Variants in WNT2B observed in about 807,000 individuals in gnomAD.
The protein encoded by WNT2B is protein Wnt-2b.
WNT2B carries 19 observed loss-of-function variants against 40.5 expected under a neutral mutation model. The observed-to-expected ratio is 0.47, with a 90% confidence interval of 0.33 to 0.69. The LOEUF (loss-of-function observed/expected upper bound fraction) is 0.69, where lower values mean the gene tolerates loss of function less well. WNT2B is among the 30% of genes least tolerant of loss of function. The pLI is 0.02. For synonymous variants in WNT2B, 220 were observed against 211.9 expected, an observed-to-expected ratio of 1.04 and a Z score of -0.33; for missense variants, 467 against 556.4, an observed-to-expected ratio of 0.84 and a Z score of 1.62.
At chr1:112,479,733 A>G (rs1417171843) in intron 1 of WNT2B, among the ~76,000 whole-genome samples, 1 of 151,728 alleles carries the variant, frequency 6.6e-6, no homozygotes, top group Non-Finnish European at 1.5e-5. Flanking sequence ...TATTTTTGAG[A>G]CGGGGTCTCG....
At chr1:112,487,960 T>C (rs1451145098) in intron 1 of WNT2B, among the ~76,000 whole-genome samples, 2 of 89,698 alleles carry the variant, frequency 2.2e-5, no homozygotes, top group African/African-American at 8.8e-5. Context: ...AAAAAAAAAA[T>C]CTAAGCTGTT....
intron 1 of WNT2B, among the ~76,000 whole-genome samples, chr1:112,514,270 T>G (rs1652448218): frequency 6.6e-6 from 1 of 151,630 alleles, no homozygotes; most frequent in Non-Finnish European, 1.5e-5. Flanking sequence ...AGGAGGAGAG[T>G]AGAGGGTGGG....
chr1:112,481,819 G>A (rs1239724682), intron 1 of WNT2B, among the ~76,000 whole-genome samples: 1 of 152,044 alleles, frequency 6.6e-6, no homozygotes, highest in Non-Finnish European at 1.5e-5. Context: ...AGACCAGCCT[G>A]GGCAACATAA....
At chr1:112,497,552 C>T (rs1193506463) in intron 1 of WNT2B, among the ~76,000 whole-genome samples, 1 of 152,194 alleles carries the variant, frequency 6.6e-6, no homozygotes, top group Non-Finnish European at 1.5e-5. Flanking sequence ...TTCTGAGGCC[C>T]TACCACTCAA....
At chr1:112,473,339 C>G (rs1328573081) in intron 1 of WNT2B, among the ~76,000 whole-genome samples, 2 of 151,822 alleles carry the variant, frequency 1.3e-5, no homozygotes, top group Non-Finnish European at 2.9e-5. Flanking sequence ...TATAACTGTA[C>G]TGTATATTCA....
intron 1 of WNT2B, among the ~76,000 whole-genome samples, chr1:112,483,678 G>GA (rs1258986888): frequency 6.8e-6 from 1 of 146,126 alleles, no homozygotes. Flanking sequence ...AAACAACAGA[G>GA]AAAAAAGGCA....
At chr1:112,494,591 G>T (rs1651709974) in intron 1 of WNT2B, among the ~76,000 whole-genome samples, 1 of 151,298 alleles carries the variant, frequency 6.6e-6, no homozygotes. Flanking sequence ...AAGGGCCCAG[G>T]CTGGAGTAAA....
chr1:112,517,061 G>A, intron 3 of WNT2B, 60 bp from the exon 4 acceptor site: 2 of 1,567,702 alleles, frequency 1.3e-6, no homozygotes, highest in Non-Finnish European at 1.7e-6. Flanking sequence ...TGGACCTAGG[G>A]ATGACTAAAA....
At chr1:112,519,032 C>T (rs551965872) in intron 4 of WNT2B, among the ~76,000 whole-genome samples, 2 of 152,256 alleles carry the variant, frequency 1.3e-5, no homozygotes, top group Admixed American at 1.3e-4. Flanking sequence ...CTAGTGGCTG[C>T]TACCCTGGAC....
chr1:112,499,203 CAA>C (rs34199500), intron 1 of WNT2B, among the ~76,000 whole-genome samples: 6,836 of 105,084 alleles, frequency 0.065, 176 homozygotes, highest in Middle Eastern at 0.11. Context: ...AAGACTGTCT[CAA>C]AAAAAAAAAA....
chr1:112,512,105 G>A (rs1052023129), intron 1 of WNT2B, among the ~76,000 whole-genome samples: 9 of 152,078 alleles, frequency 5.9e-5, no homozygotes, highest in Non-Finnish European at 7.4e-5. Context: ...TCCCTGGCCC[G>A]TTTGTGTCTT....
intron 1 of WNT2B, among the ~76,000 whole-genome samples, chr1:112,487,841 C>A (rs1651464234): frequency 7.1e-6 from 1 of 140,900 alleles, no homozygotes; most frequent in African/African-American, 2.7e-5. Flanking sequence ...GGTTGAGGCA[C>A]AAGAATTGCT....
intron 1 of WNT2B, among the ~76,000 whole-genome samples, chr1:112,497,206 G>A (rs1253701913): frequency 7.9e-5 from 12 of 152,162 alleles, no homozygotes; most frequent in Admixed American, 7.9e-4. Context: ...TGAGGTCTCA[G>A]GGGTGGTCCT....
intron 1 of WNT2B, among the ~76,000 whole-genome samples, chr1:112,500,526 T>C (rs1651913307): frequency 6.6e-6 from 1 of 152,116 alleles, no homozygotes; most frequent in African/African-American, 2.4e-5. Flanking sequence ...TCCCAGAACT[T>C]TGGGAGGTTG....
At chr1:112,517,517 T>C in intron 4 of WNT2B, 132 bp downstream of exon 4, 1 of 1,176,908 alleles carries the variant, frequency 8.5e-7, no homozygotes, top group East Asian at 2.6e-5. Flanking sequence ...CCTCTCCACA[T>C]GAACACCTGG....
Position 112,516,425 on chromosome 1 carries a change from C to T in WNT2B, c.681+8C>T, listed in dbSNP as rs980589307. 1 of 1,605,210 alleles carries T rather than the reference C, an allele frequency of 6.2e-7. No homozygotes were observed. On this transcript the variant is annotated splice_region_variant and intron_variant, in intron 3 of 4. Coordinates refer to ENST00000369684, the MANE Select transcript of WNT2B (RefSeq NM_024494.3). The stretch of plus-strand genomic sequence containing the variant: ...AACCGCTGTGGTCGCACGGTCAGTA[C>T]TCATGTCTGTGTAAGTACACTCATA...
At chr1:112,508,078 A>G (rs1036753655), upstream of WNT2B, among the ~76,000 whole-genome samples, 1 of 151,992 alleles carries the variant, frequency 6.6e-6, no homozygotes, top group African/African-American at 2.4e-5. The surrounding 1 kb of genome is among the most constrained non-coding windows in gnomAD (Gnocchi z 4.2). Flanking sequence ...CAGGGCGAGA[A>G]GACGAAGGAG....
Position 112,522,967 on chromosome 1 carries a change from A to G in WNT2B, c.*2458A>G, listed in dbSNP as rs1652961551. ...GTGGAGAGGTAAGGGGGTCATGGTCAGTCTGAACTCAACAATAGGGCTGAA... is the reference window on the plus strand; with the variant it reads ...GTGGAGAGGTAAGGGGGTCATGGTCGGTCTGAACTCAACAATAGGGCTGAA... On this transcript the variant is annotated 3_prime_UTR_variant, in exon 5 of 5. Transcript: ENST00000369684. The G allele has an allele frequency of 6.6e-6, 1 of 152,248 alleles. No homozygotes were observed. 9.4% of individuals were successfully genotyped at this position (152,248 alleles called of 1,614,324 possible).
intron 1 of WNT2B, among the ~76,000 whole-genome samples, chr1:112,490,747 C>T (rs1651576183): frequency 6.6e-6 from 1 of 152,102 alleles, no homozygotes. Context: ...CCTCAGCCTC[C>T]CAAAGTGCTG....
Sources: allele counts gnomAD v4.1 joint callset (sites outside exome capture counted in the v4.1 genomes callset), GRCh38; gene constraint gnomAD v4.1.1; non-coding constraint Gnocchi (gnomAD v3.1); transcripts MANE v1.5; gene names NCBI Gene and HGNC (gene_info 2026-07-23, HGNC 2026-07-21).